The following SPOCK1 variants were observed in gnomAD, a reference collection of about 807,000 sequenced individuals.
SPOCK1 encodes the protein SPARC (osteonectin), cwcv and kazal like domains proteoglycan 1.
Under a neutral mutation model 55.3 loss-of-function variants are expected in SPOCK1, and 23 were observed. The ratio of observed to expected loss-of-function variants is 0.42; its 90% CI spans 0.30 to 0.59. The LOEUF is 0.59. Among genes scored for constraint, SPOCK1 ranks in the 20% least tolerant of loss-of-function variants. The probability of loss-of-function intolerance (pLI) is 0.22; values close to 1 mark genes in which losing one functional copy is unlikely to be tolerated. For synonymous variants in SPOCK1, 226 were observed against 221.0 expected (o/e 1.02, Z -0.20); for missense variants, 499 against 552.5 (o/e 0.90, Z 0.97).
At chr5:137,088,285 C>T (rs1752994430) in intron 5 of SPOCK1, among the ~76,000 whole-genome samples, 1 of 152,238 alleles carries the variant, frequency 6.6e-6, no homozygotes, top group Non-Finnish European at 1.5e-5. Flanking sequence ...CTTGAAGTCA[C>T]ATCCTTCTCC....
At chr5:137,422,560 C>G (rs1439822759) in intron 2 of SPOCK1, among the ~76,000 whole-genome samples, 1 of 152,224 alleles carries the variant, frequency 6.6e-6, no homozygotes, top group Non-Finnish European at 1.5e-5. Flanking sequence ...GATACCCTTT[C>G]TTCCAGTTGA....
intron 2 of SPOCK1, among the ~76,000 whole-genome samples, chr5:137,381,317 A>G (rs1751459725): frequency 6.6e-6 from 1 of 152,164 alleles, no homozygotes; most frequent in Admixed American, 6.5e-5. Context: ...GCTGTTCATG[A>G]ATCTACCATT....
intron 2 of SPOCK1, among the ~76,000 whole-genome samples, chr5:137,284,139 C>T (rs1239659572): frequency 1.3e-5 from 2 of 152,178 alleles, no homozygotes; most frequent in Admixed American, 6.5e-5. Context: ...GTTAAGTAAC[C>T]TGTTCCAGGT....
rs1263048151 is a variant in SPOCK1, at chr5:136,992,526, T to TCGCATC, written c.658_663dup (p.Asp220_Ala221dup). The TCGCATC allele has an allele frequency of 1.2e-6, 2 of 1,613,920 alleles. No homozygotes were observed. The highest frequency in any genetic ancestry group is 4.5e-5 in the East Asian group (2 of 44,840). On this transcript the variant is annotated inframe_insertion, in exon 7 of 11. Transcript: ENST00000394945. Reference sequence around the variant, plus strand: ...GAGCTGGTGGGCTTGATGACTCTGTTCGCATCCTCGTGGAGAGCTCCAAAC... The same window carrying TCGCATC: ...GAGCTGGTGGGCTTGATGACTCTGTTCGCATCCGCATCCTCGTGGAGAGCTCCAAAC...
chr5:137,210,840 C>A (rs1755597422), intron 3 of SPOCK1, among the ~76,000 whole-genome samples: 1 of 152,210 alleles, frequency 6.6e-6, no homozygotes, highest in Admixed American at 6.5e-5. Flanking sequence ...GATATCTAGA[C>A]CCAAAATTGT....
At chr5:137,163,892 T>C (rs1198776905) in intron 3 of SPOCK1, among the ~76,000 whole-genome samples, 1 of 152,228 alleles carries the variant, frequency 6.6e-6, no homozygotes, top group Non-Finnish European at 1.5e-5. Context: ...ACACCTATCT[T>C]AATTATATAT....
intron 4 of SPOCK1, among the ~76,000 whole-genome samples, chr5:137,136,241 T>G (rs1036689898): frequency 6.6e-6 from 1 of 152,186 alleles, no homozygotes; most frequent in African/African-American, 2.4e-5. Context: ...AGCTCTTATA[T>G]TTAGGTCTAC....
intron 2 of SPOCK1, among the ~76,000 whole-genome samples, chr5:137,497,269 C>A (rs1754318902): frequency 6.6e-6 from 1 of 152,152 alleles, no homozygotes; most frequent in African/African-American, 2.4e-5. Context: ...GTCAAATTAT[C>A]ATATTTAAAA....
intron 3 of SPOCK1, among the ~76,000 whole-genome samples, chr5:137,198,764 G>A (rs2127074629): frequency 6.6e-6 from 1 of 152,184 alleles, no homozygotes; most frequent in East Asian, 1.9e-4. Context: ...TAATTTTAGT[G>A]TATCCAAACT....
chr5:137,001,794 C>A (rs1393117991), intron 6 of SPOCK1, among the ~76,000 whole-genome samples: 2 of 152,154 alleles, frequency 1.3e-5, no homozygotes, highest in Non-Finnish European at 2.9e-5. Context: ...AGCACTTACC[C>A]TTGAGAGGCT....
At chr5:137,452,685 A>G (rs1198908839) in intron 2 of SPOCK1, among the ~76,000 whole-genome samples, 4 of 152,326 alleles carry the variant, frequency 2.6e-5, no homozygotes, top group South Asian at 4.1e-4. Flanking sequence ...TATGACTACA[A>G]TGGTACTTGT....
At chr5:137,410,262 A>C (rs1410803215) in intron 2 of SPOCK1, among the ~76,000 whole-genome samples, 1 of 152,174 alleles carries the variant, frequency 6.6e-6, no homozygotes, top group East Asian at 1.9e-4. Context: ...ATTTTCCCTT[A>C]TCTAGACACT....
chr5:137,212,997 G>GGGAAAC (rs1755647107), intron 3 of SPOCK1, among the ~76,000 whole-genome samples: 1 of 152,182 alleles, frequency 6.6e-6, no homozygotes, highest in Non-Finnish European at 1.5e-5. Flanking sequence ...AAGGCCATGA[G>GGGAAAC]TCTTGGTTTC....
intron 2 of SPOCK1, among the ~76,000 whole-genome samples, chr5:137,402,979 T>C (rs529579281): frequency 7.2e-5 from 11 of 152,324 alleles, no homozygotes; most frequent in South Asian, 2.1e-4. Flanking sequence ...GCTCATCTCA[T>C]AGATGGTAAA....
intron 6 of SPOCK1, among the ~76,000 whole-genome samples, chr5:137,001,509 A>C (rs1398364550): frequency 6.6e-6 from 1 of 152,168 alleles, no homozygotes; most frequent in African/African-American, 2.4e-5. Context: ...TCATCTGCTC[A>C]TCTATGACAA....
At chr5:137,113,138 T>C (rs907228896) in intron 4 of SPOCK1, among the ~76,000 whole-genome samples, 21 of 152,228 alleles carry the variant, frequency 1.4e-4, no homozygotes, top group African/African-American at 5.1e-4. Flanking sequence ...TCTGAGGTGA[T>C]GTCACTTTCA....
intron 6 of SPOCK1, among the ~76,000 whole-genome samples, chr5:137,021,512 C>T (rs982272755): frequency 3.3e-5 from 5 of 152,098 alleles, no homozygotes; most frequent in Non-Finnish European, 5.9e-5. Flanking sequence ...GTATTGTTAC[C>T]GTTTATCCCT....
At chr5:137,470,518 A>T (rs1421295596) in intron 2 of SPOCK1, among the ~76,000 whole-genome samples, 1 of 152,088 alleles carries the variant, frequency 6.6e-6, no homozygotes, top group African/African-American at 2.4e-5. Flanking sequence ...ACATCTGGAA[A>T]GGCTTCTGAA....
intron 2 of SPOCK1, among the ~76,000 whole-genome samples, chr5:137,317,567 A>G (rs1295070907): frequency 6.6e-6 from 1 of 152,224 alleles, no homozygotes; most frequent in Non-Finnish European, 1.5e-5. Context: ...AGCATAGTTA[A>G]AACATCCTTG....
Sources: gnomAD v4.1 joint callset for allele counts (sites outside exome capture counted in the v4.1 genomes callset) on GRCh38, gnomAD v4.1.1 for gene constraint, MANE v1.5 for transcripts, NCBI Gene and HGNC (gene_info 2026-07-23, HGNC 2026-07-21) for gene names.